Variants in PPP2R3A observed in about 807,000 individuals in gnomAD.
PPP2R3A encodes the protein serine/threonine-protein phosphatase 2A regulatory subunit B'' subunit alpha.
In PPP2R3A, 80 loss-of-function variants were observed where a neutral mutation model predicts 106.9. That is an observed-to-expected ratio of 0.75 (90% confidence interval 0.62 to 0.90). The LOEUF is 0.90. Ranked by LOEUF, PPP2R3A falls within the 40% of genes least tolerant of loss-of-function variation. The pLI is 0.00. For missense variants in PPP2R3A, 1,386 were observed against 1,350.4 expected, an observed-to-expected ratio of 1.03 and a Z score of -0.41; for synonymous variants, 483 against 468.3, an observed-to-expected ratio of 1.03 and a Z score of -0.41.
intron 13 of PPP2R3A, among the ~76,000 whole-genome samples, chr3:136,139,892 G>C (rs1260318470): frequency 4.8e-5 from 7 of 146,618 alleles, no homozygotes; most frequent in African/African-American, 1.8e-4. Flanking sequence ...TGTAATCCCA[G>C]CTACTCAGGA....
intron 7 of PPP2R3A, among the ~76,000 whole-genome samples, 195 bp downstream of exon 7, chr3:136,078,648 TC>T (rs1936675194): frequency 6.8e-6 from 1 of 146,902 alleles, no homozygotes; most frequent in African/African-American, 2.7e-5. Flanking sequence ...TAATAAGGGA[TC>T]TCTGCCTGAA....
At chr3:135,967,372 A>C (rs1410554945) in intron 1 of PPP2R3A, among the ~76,000 whole-genome samples, 1 of 152,224 alleles carries the variant, frequency 6.6e-6, no homozygotes, top group African/African-American at 2.4e-5. Flanking sequence ...TTAAAGATTT[A>C]TTTGTACTCA....
At position 136,093,703 on chromosome 3, in the gene PPP2R3A, T is replaced by TA. The variant is rs776434490; in HGVS notation, c.2927+3037dup. On this transcript the variant is annotated intron_variant, in intron 10 of 13. Transcript: ENST00000264977. ...AGTGCAAATCAAAACCACAATGAGA[T>TA]ACCACTTCACACTAGGATAGTTATC... Among the ~76,000 whole-genome samples, 69 of 152,272 alleles carry TA rather than the reference T, an allele frequency of 4.5e-4. 1 individual carries two copies. The highest frequency in any genetic ancestry group is 8.5e-4 in the Admixed American group (13 of 15,288).
At chr3:136,010,863 C>G (rs1433016780) in intron 2 of PPP2R3A, among the ~76,000 whole-genome samples, 2 of 152,164 alleles carry the variant, frequency 1.3e-5, no homozygotes, top group Admixed American at 1.3e-4. Context: ...TCTGCTCAAT[C>G]ACTCCTTCAG....
intron 13 of PPP2R3A, among the ~76,000 whole-genome samples, chr3:136,133,002 A>G (rs1398954975): frequency 6.6e-6 from 1 of 152,182 alleles, no homozygotes; most frequent in Non-Finnish European, 1.5e-5. Flanking sequence ...TGTGCCAAAA[A>G]GAACCCCAAT....
intron 5 of PPP2R3A, among the ~76,000 whole-genome samples, chr3:136,054,291 G>A (rs538499340): frequency 6.9e-5 from 8 of 115,742 alleles, no homozygotes; most frequent in Non-Finnish European, 1.1e-4. Flanking sequence ...TTGGAGGCTC[G>A]CCCTGTCGCC....
At chr3:136,071,078 G>C (rs1351008573) in intron 6 of PPP2R3A, among the ~76,000 whole-genome samples, 1 of 152,234 alleles carries the variant, frequency 6.6e-6, no homozygotes. Context: ...GTTAGGTCAG[G>C]AATTATAAGT....
At chr3:136,083,631 C>A (rs1417082676) in intron 8 of PPP2R3A, among the ~76,000 whole-genome samples, 2 of 152,166 alleles carry the variant, frequency 1.3e-5, no homozygotes, top group Non-Finnish European at 2.9e-5. Flanking sequence ...GTGGAAGGGA[C>A]TTTGGAACTA....
chr3:136,027,225 A>C (rs538321352), intron 3 of PPP2R3A, 127 bp downstream of exon 3: 112 of 867,042 alleles, frequency 1.3e-4, no homozygotes, highest in Non-Finnish European at 9.9e-5. Context: ...GCATGCATGG[A>C]ATTGTTGTTG....
At chr3:136,081,736 ACTTCCAG>A (rs1470889108) in intron 7 of PPP2R3A, among the ~76,000 whole-genome samples, 6 of 152,086 alleles carry the variant, frequency 3.9e-5, no homozygotes, top group Non-Finnish European at 2.9e-5. Context: ...ACCCAGGTTT[ACTTCCAG>A]CTCAGGGCCC....
In PPP2R3A at chr3:136,145,664, C is replaced by G. The variant is rs1352967018; in HGVS notation, c.*498C>G. On this transcript the variant is annotated 3_prime_UTR_variant, in exon 14 of 14. Coordinates refer to ENST00000264977, the MANE Select transcript of PPP2R3A (RefSeq NM_002718.5). ...AAGCACTGCCAAAACATCTCAGAGA[C>G]TTCTTTTATGTATACTGGAGTTCAA... is the stretch of plus-strand genomic sequence containing the variant. 6.5e-6 allele frequency: 1 copy of G among 152,786 alleles called. No individual in the cohort carries two copies. The highest frequency in any genetic ancestry group is 1.5e-5 in the Non-Finnish European group (1 of 68,178). 9.5% of individuals were successfully genotyped at this position (152,786 alleles called of 1,614,324 possible). A position where few individuals can be genotyped will look rare whatever the true frequency, so the allele number is the denominator to read the frequency against.
At chr3:136,011,300 C>G (rs1278294463) in intron 2 of PPP2R3A, among the ~76,000 whole-genome samples, 1 of 152,054 alleles carries the variant, frequency 6.6e-6, no homozygotes, top group African/African-American at 2.4e-5. Context: ...ACTCCTACCA[C>G]TAGAATGAAA....
Position 136,140,442 on chromosome 3 carries a change from TAAAAAAAAA to T in PPP2R3A, c.3330-4587_3330-4579del, listed in dbSNP as rs199699500. 5.8e-3 allele frequency among the ~76,000 whole-genome samples: 507 copies of T among 87,242 alleles called. 4 individuals are homozygous for T. The East Asian group carries it at 0.07, about 12-fold the overall frequency. 57.2% of individuals were successfully genotyped at this position (87,242 alleles called of 152,430 possible). A position where few individuals can be genotyped will look rare whatever the true frequency, so the allele number is the denominator to read the frequency against. Reference sequence around the variant, plus strand: ...GCCTGGGTGACAGAGTGAGACTCTTTAAAAAAAAAAAAAAAAAAAAAACCCGGGCTCAGT... The same window carrying T: ...GCCTGGGTGACAGAGTGAGACTCTTTAAAAAAAAAAAAACCCGGGCTCAGT... On this transcript the variant is annotated intron_variant, in intron 13 of 13. Transcript: ENST00000264977.
chr3:136,121,893 AT>A (rs1040833423), intron 13 of PPP2R3A, among the ~76,000 whole-genome samples: 66 of 152,230 alleles, frequency 4.3e-4, no homozygotes, highest in Non-Finnish European at 8.7e-4. Context: ...AGTCTAGCTG[AT>A]TTTTTTCCCA....
At chr3:136,042,289 A>G (rs1395316202) in intron 4 of PPP2R3A, among the ~76,000 whole-genome samples, 2 of 152,174 alleles carry the variant, frequency 1.3e-5, no homozygotes, top group Non-Finnish European at 2.9e-5. Context: ...GAACTGAACA[A>G]TGAGAACACA....
At chr3:136,112,130 A>G (rs911238443) in intron 13 of PPP2R3A, among the ~76,000 whole-genome samples, 4 of 152,142 alleles carry the variant, frequency 2.6e-5, no homozygotes, top group Non-Finnish European at 5.9e-5. Flanking sequence ...ACTGGCATCT[A>G]AGGAACATAC....
At chr3:136,030,258 T>G (rs1934822781) in intron 3 of PPP2R3A, among the ~76,000 whole-genome samples, 1 of 151,218 alleles carries the variant, frequency 6.6e-6, no homozygotes, top group African/African-American at 2.4e-5. Flanking sequence ...TATAATTACC[T>G]GGGAAGTTGA....
rs578224993 is a variant in PPP2R3A at position 136,094,598 on chromosome 3, C to T, written c.2927+3931C>T. Among the ~76,000 whole-genome samples the T allele has an allele frequency of 4.6e-5, 7 of 152,208 alleles. No homozygotes were observed. In the East Asian group the frequency reaches 9.6e-4, roughly 21 times the overall value. ...AGTAATAAAGGAATGCTACAAATAACGTATACATACACAGATATGGTGACC... is the reference window on the plus strand; with the variant it reads ...AGTAATAAAGGAATGCTACAAATAATGTATACATACACAGATATGGTGACC... On this transcript the variant is annotated intron_variant, in intron 10 of 13. Transcript: ENST00000264977.
intron 1 of PPP2R3A, among the ~76,000 whole-genome samples, chr3:135,978,752 AGGTTATAGAT>A (rs1937489867): frequency 6.6e-6 from 1 of 151,888 alleles, no homozygotes; most frequent in Non-Finnish European, 1.5e-5. Flanking sequence ...TGTAAGTATC[AGGTTATAGAT>A]GCAGTTTGTT....
Sources: gnomAD v4.1 joint callset for allele counts (sites outside exome capture counted in the v4.1 genomes callset) on GRCh38, gnomAD v4.1.1 for gene constraint, MANE v1.5 for transcripts, NCBI Gene and HGNC (gene_info 2026-07-23, HGNC 2026-07-21) for gene names.